Variants in SVOP observed in about 807,000 individuals in gnomAD.
The protein encoded by SVOP is synaptic vesicle 2-related protein.
A neutral mutation model predicts 69.1 loss-of-function variants in SVOP; 17 were observed. The ratio of observed to expected loss-of-function variants is 0.25; its 90% confidence interval spans 0.17 to 0.37. The LOEUF (loss-of-function observed/expected upper bound fraction) is 0.37, where lower values mean the gene tolerates loss of function less well. SVOP is among the 10% of genes least tolerant of loss of function. SVOP has a pLI of 1.00. For missense variants in SVOP, 435 were observed against 597.5 expected (o/e 0.73, Z 2.84); for synonymous variants, 238 against 238.6 (o/e 1.00, Z 0.02).
At chr12:108,938,378 G>A (rs192011647) in intron 9 of SVOP, among the ~76,000 whole-genome samples, 1 of 152,182 alleles carries the variant, frequency 6.6e-6, no homozygotes, top group African/African-American at 2.4e-5. Flanking sequence ...TGTTACCAGC[G>A]GAGTGAGGCA....
At chr12:108,932,021 A>AT (rs946276745) in intron 11 of SVOP, among the ~76,000 whole-genome samples, 23 of 151,394 alleles carry the variant, frequency 1.5e-4, no homozygotes, top group East Asian at 5.8e-4. Context: ...TTTTATTTTT[A>AT]TTTTTTTTAC....
intron 1 of SVOP, among the ~76,000 whole-genome samples, chr12:108,996,251 T>C (rs2040231542): frequency 6.6e-6 from 1 of 152,144 alleles, no homozygotes; most frequent in African/African-American, 2.4e-5. Context: ...AGGTCCTCAA[T>C]ACTCAAAAAC....
At chr12:109,012,591 TCAAA>T (rs1204951276) in intron 1 of SVOP, among the ~76,000 whole-genome samples, 1 of 152,120 alleles carries the variant, frequency 6.6e-6, no homozygotes, top group African/African-American at 2.4e-5. Flanking sequence ...TAATCAGTAG[TCAAA>T]CTGCTGTTCT....
Position 108,945,092 on chromosome 12 carries a change from C to G in SVOP, c.642+11G>C. 6.5e-7 allele frequency: 1 copy of G among 1,536,946 alleles called. No individual in the cohort carries two copies. The highest frequency in any genetic ancestry group is 8.7e-7 in the Non-Finnish European group (1 of 1,146,738). On this transcript the variant is annotated intron_variant, in intron 7 of 15. Transcript: ENST00000610966. The stretch of plus-strand genomic sequence containing the variant: ...ACATGCTCTAGAGACCCAGGCCGCT[C>G]TCCTCCTTACCTCAATCAGCAAAAT...
chr12:108,947,685 G>C (rs1566054656), intron 6 of SVOP, among the ~76,000 whole-genome samples: 2 of 152,136 alleles, frequency 1.3e-5, no homozygotes, highest in Admixed American at 6.5e-5. Context: ...GCTGGACAGG[G>C]AAGGGAACTT....
At chr12:108,990,835 A>G (rs1196323872) in intron 1 of SVOP, among the ~76,000 whole-genome samples, 2 of 152,214 alleles carry the variant, frequency 1.3e-5, no homozygotes, top group Admixed American at 6.5e-5. Flanking sequence ...GGGGCTGGTC[A>G]CGACATGGAT....
chr12:108,987,925 G>GA (rs367544596), intron 1 of SVOP, among the ~76,000 whole-genome samples: 347 of 151,334 alleles, frequency 2.3e-3, no homozygotes, highest in African/African-American at 7.0e-3. Flanking sequence ...ACCAAAGTTT[G>GA]AAAAAAAAAA....
rs2039705663 is a variant in SVOP, at chr12:108,915,137, C to T, written c.1440+646G>A. Among the ~76,000 whole-genome samples, 4 of 147,952 alleles carry T rather than the reference C, an allele frequency of 2.7e-5. No homozygotes were observed. In the South Asian group the frequency reaches 8.6e-4, roughly 32 times the overall value. ...ACAGTGAGCTGAGATCACACCACTGCACTCCAGCCTGGGTGACAAAGCGAG... is the reference window on the plus strand; with the variant it reads ...ACAGTGAGCTGAGATCACACCACTGTACTCCAGCCTGGGTGACAAAGCGAG... On this transcript the variant is annotated intron_variant, in intron 15 of 15. Coordinates refer to ENST00000610966, the MANE Select transcript of SVOP (RefSeq NM_018711.5).
intron 6 of SVOP, among the ~76,000 whole-genome samples, chr12:108,946,995 C>T (rs1219230100): frequency 6.6e-6 from 1 of 152,168 alleles, no homozygotes; most frequent in African/African-American, 2.4e-5. Context: ...CCTGGAATTA[C>T]AGGTGTGAGC....
chr12:108,959,374 G>C (rs1441891087), intron 6 of SVOP, among the ~76,000 whole-genome samples: 1 of 118,342 alleles, frequency 8.5e-6, no homozygotes, highest in South Asian at 2.7e-4. Context: ...TTTTTTTTGA[G>C]TCAGAGTCTC....
At chr12:108,933,280 A>G (rs993089366) in intron 11 of SVOP, among the ~76,000 whole-genome samples, 1 of 152,138 alleles carries the variant, frequency 6.6e-6, no homozygotes, top group Admixed American at 6.5e-5. Context: ...TGGGGGCTGA[A>G]GTAGGAAGAT....
In SVOP at chr12:108,919,663, C is replaced by T; in HGVS notation, c.1268+12G>A. On this transcript the variant is annotated intron_variant, in intron 13 of 15. Coordinates refer to ENST00000610966, the MANE Select transcript of SVOP (RefSeq NM_018711.5). Reference sequence around the variant, plus strand: ...GTGCTCAAACTCATACCTAGGCTTGCAGATCACCTACCTTCCAACACAGAT... The same window carrying T: ...GTGCTCAAACTCATACCTAGGCTTGTAGATCACCTACCTTCCAACACAGAT... 1.3e-6 allele frequency: 2 copies of T among 1,585,076 alleles called. No individual in the cohort carries two copies.
At chr12:108,998,200 A>T (rs1029226981) in intron 1 of SVOP, among the ~76,000 whole-genome samples, 1 of 152,258 alleles carries the variant, frequency 6.6e-6, no homozygotes, top group Non-Finnish European at 1.5e-5. Context: ...CAACTGGAAG[A>T]AAGAGTATCA....
Position 109,001,778 on chromosome 12 carries a change from C to G in SVOP, c.36-18017G>C, listed in dbSNP as rs575536406. Among the ~76,000 whole-genome samples the G allele has an allele frequency of 1.9e-3, 283 of 151,586 alleles. 2 individuals carry two copies. The highest frequency in any genetic ancestry group is 6.3e-3 in the African/African-American group (261 of 41,334). On this transcript the variant is annotated intron_variant, in intron 1 of 15. Transcript: ENST00000610966. ...CATATGTAGGAAGCTGAAACTGGATCCCTTCCTTACACCTTATACAAAAAT... is the reference window on the plus strand; with the variant it reads ...CATATGTAGGAAGCTGAAACTGGATGCCTTCCTTACACCTTATACAAAAAT...
rs1593173650 is a variant in SVOP at position 108,912,310 on chromosome 12, C to T, written c.*225G>A. The T allele has an allele frequency of 7.1e-7, 1 of 1,417,566 alleles. No individual in the cohort carries two copies. The highest frequency in any genetic ancestry group is 9.2e-7 in the Non-Finnish European group (1 of 1,089,236). The allele number at this position is 1,417,566 out of a possible 1,614,324, so 87.8% of individuals were successfully genotyped here. ...GTAGATCCACAGGTTATGAACAAAG[C>T]TTTCACCACATATACAGAGAACCCC... On this transcript the variant is annotated 3_prime_UTR_variant, in exon 16 of 16. Transcript: ENST00000610966.
chr12:108,978,685 G>C, intron 2 of SVOP, 22 bp from the exon 3 acceptor site: 1 of 703,414 alleles, frequency 1.4e-6, no homozygotes, highest in Middle Eastern at 2.3e-4. Context: ...AAAGGGAGAG[G>C]GAAGGAAGGA....
At chr12:109,005,011 T>G (rs572130393) in intron 1 of SVOP, among the ~76,000 whole-genome samples, 28 of 152,330 alleles carry the variant, frequency 1.8e-4, no homozygotes, top group African/African-American at 6.3e-4. Flanking sequence ...GTGCTGGGAT[T>G]ACAGGTGTGA....
At chr12:109,013,795 A>G (rs1285873881) in intron 1 of SVOP, among the ~76,000 whole-genome samples, 3 of 151,946 alleles carry the variant, frequency 2.0e-5, no homozygotes, top group Non-Finnish European at 2.9e-5. Flanking sequence ...CATTTTGCAA[A>G]ATTTAAATTT....
rs2137406439 is a variant in SVOP at position 108,940,887 on chromosome 12, A to C, written c.665T>G (p.Val222Gly). Residue 222 changes from valine (V) to glycine (G), a missense_variant, in exon 8 of 16, where the codon GTG becomes GGG. Val to Gly is a moderately radical substitution (Grantham distance 109). Transcript: ENST00000610966. ...GAACACAGCCAGGACGACCTCGAAC[A>C]CTGTCCCGATGGCCCAGAATACCTG... ...LIEVFWAIGT[V>G]FEVVLAVFVM... 6.5e-7 allele frequency: 1 copy of C among 1,536,982 alleles called. No individual in the cohort carries two copies. The highest frequency in any genetic ancestry group is 2.4e-5 in the East Asian group (1 of 40,904).
Sources: gnomAD v4.1 joint callset for allele counts (sites outside exome capture counted in the v4.1 genomes callset) on GRCh38, gnomAD v4.1.1 for gene constraint, MANE v1.5 for transcripts, NCBI Gene and HGNC (gene_info 2026-07-23, HGNC 2026-07-21) for gene names.